SPEG: variants seen among roughly 807,000 people sequenced by gnomAD.
SPEG encodes the protein striated muscle enriched protein kinase.
A neutral mutation model predicts 300.4 loss-of-function variants in SPEG; 114 were observed. The ratio of observed to expected loss-of-function variants is 0.38; its 90% CI spans 0.33 to 0.44. SPEG has a LOEUF of 0.44. Among genes scored for constraint, SPEG ranks in the 20% least tolerant of loss-of-function variants. The pLI, the probability that SPEG is intolerant of heterozygous loss-of-function variation, is 1.00. For missense variants in SPEG, 4,201 were observed against 4,586.2 expected (o/e 0.92, Z 2.43); for synonymous variants, 1,964 against 2,018.9 (o/e 0.97, Z 0.73).
chr2:219,452,324 T>A (rs904535500), intron 6 of SPEG, among the ~76,000 whole-genome samples: 8 of 152,170 alleles, frequency 5.3e-5, no homozygotes, highest in African/African-American at 1.4e-4. Context: ...CAAGAGCACT[T>A]CTTGGGCTGG....
In SPEG at chr2:219,442,875, C is replaced by T. The variant is rs116868068; in HGVS notation, c.389-1778C>T. Among the ~76,000 whole-genome samples the T allele has an allele frequency of 7.0e-4, 106 of 152,278 alleles. No individual in the cohort carries two copies. The East Asian group carries it at 0.019, about 28-fold the overall frequency. On this transcript the variant is annotated intron_variant, in intron 1 of 40. Coordinates refer to ENST00000312358, the MANE Select transcript of SPEG (RefSeq NM_005876.5). Reference sequence around the variant, plus strand: ...GCTTCCACCTGCAGCCTGCAGTTCTCTCCTTCCTCCCCTGCTCCTCCCAAG... The same window carrying T: ...GCTTCCACCTGCAGCCTGCAGTTCTTTCCTTCCTCCCCTGCTCCTCCCAAG...
Position 219,464,953 on chromosome 2 carries a change from A to C in SPEG, c.2881+345A>C. The C allele has an allele frequency of 9.2e-6, 2 of 218,358 alleles. No individual in the cohort carries two copies. Among genetic ancestry groups the C allele is most frequent in the Non-Finnish European group, 9.1e-6 (1 of 110,124 alleles). 13.5% of individuals were successfully genotyped at this position (218,358 alleles called of 1,614,324 possible). ...CCTTTGTCACCCTGCTCTGCCCAGG[A>C]CCCTCCCTCATCCCCCTCCCCCTCT... On this transcript the variant is annotated intron_variant, in intron 9 of 40. Transcript: ENST00000312358. The surrounding 1 kb of genome is among the most constrained non-coding windows in gnomAD (Gnocchi z 4.5).
chr2:219,477,218 C>CTGGTACAGCGGCTCT lies in SPEG; in HGVS notation c.4561-56_4561-55insTACAGCGGCTCTTGG. ...GCTGCCCAGAGTAGGAGATGAGGCC[C>CTGGTACAGCGGCTCT]TGGCCCCAAGGTAGAGATGAGGCCA... is the stretch of plus-strand genomic sequence containing the variant. On this transcript the variant is annotated intron_variant, in intron 19 of 40. Coordinates refer to ENST00000312358, the MANE Select transcript of SPEG (RefSeq NM_005876.5). The surrounding 1 kb of genome is among the most constrained non-coding windows in gnomAD (Gnocchi z 6.4). 4.5e-5 allele frequency: 21 copies of CTGGTACAGCGGCTCT among 461,766 alleles called. 1 individual carries two copies. Among genetic ancestry groups the CTGGTACAGCGGCTCT allele is most frequent in the South Asian group, 2.9e-4 (10 of 34,322 alleles). The allele number at this position is 461,766 out of a possible 1,614,324, so 28.6% of individuals were successfully genotyped here. A position where few individuals can be genotyped will look rare whatever the true frequency, so the allele number is the denominator to read the frequency against.
At position 219,448,088 on chromosome 2, in the gene SPEG, C is replaced by T. The variant is rs780692493; in HGVS notation, c.930C>T (p.Pro310=). The T allele has an allele frequency of 5.0e-6, 8 of 1,606,318 alleles. No individual in the cohort carries two copies. The highest frequency in any genetic ancestry group is 6.8e-6 in the Non-Finnish European group (8 of 1,176,924). The change falls in exon 4 of 41, where the codon CCC becomes CCT. Residue 310 remains proline (P), a synonymous_variant. Coordinates refer to ENST00000312358, the MANE Select transcript of SPEG (RefSeq NM_005876.5). ...QPPPSKSALL[P]PPSPRVGKRS... ...CTCCTTCCAAATCCGCGCTGCTCCC[C>T]CCACCGTCCCCTCGGGTCGGGAAGC...
chr2:219,475,485 A>G (rs1186571932), intron 18 of SPEG, among the ~76,000 whole-genome samples: 1 of 152,144 alleles, frequency 6.6e-6, no homozygotes, highest in Non-Finnish European at 1.5e-5. Flanking sequence ...ATAAGTGGCA[A>G]TAGGGTGTGT....
chr2:219,471,525 G>A, intron 13 of SPEG: 1 of 325,684 alleles, frequency 3.1e-6, no homozygotes. Flanking sequence ...TGACCATGCA[G>A]AGGTGGGAAG....
Position 219,444,949 on chromosome 2 carries a change from T to G in SPEG, c.603T>G (p.Ser201Arg), listed in dbSNP as rs1296125200. The G allele has an allele frequency of 6.3e-7, 1 of 1,594,728 alleles. No homozygotes were observed. The highest frequency in any genetic ancestry group is 1.3e-5 in the African/African-American group (1 of 74,366). The change falls in exon 3 of 41, where the codon AGT becomes AGG. Residue 201 changes from serine to arginine, a missense_variant. Physicochemically the swap from Ser to Arg is moderately radical, Grantham distance 110 (BLOSUM62 -1). Around this residue, in one of 4 missense-constraint regions of SPEG, gnomAD observed 1,258 missense variants for 1,293.9 expected, o/e 0.97. Transcript: ENST00000312358. This position sits in a 1 kb window ranked among gnomAD's most constrained non-coding sequence, Gnocchi z 7.8. ...GQTVLEQEAGSGGGTRRLPGS... is the reference protein window; with the variant it reads ...GQTVLEQEAGRGGGTRRLPGS... ...CGGTCCTGGAGCAGGAAGCGGGCAG[T>G]GGGGGTGGCACCCGCCGCCTCCCGG...
At position 219,473,016 on chromosome 2, in the gene SPEG, T is replaced by A; in HGVS notation, c.4067T>A (p.Ile1356Asn). The A allele has an allele frequency of 6.2e-7, 1 of 1,613,928 alleles. No individual in the cohort carries two copies. The highest frequency in any genetic ancestry group is 8.5e-7 in the Non-Finnish European group (1 of 1,180,002). ...GGGCTGCGTAAGGGGGTCCAGCACATCTTCCGGGTCCTCAGCACCACTGTC... is the reference window on the plus strand; with the variant it reads ...GGGCTGCGTAAGGGGGTCCAGCACAACTTCCGGGTCCTCAGCACCACTGTC... ...ATGLRKGVQH[I>N]FRVLSTTVKS... Residue 1356 changes from isoleucine (I) to asparagine (N), a missense_variant, in exon 16 of 41, where the codon ATC becomes AAC. Physicochemically the swap from Ile to Asn is moderately radical, Grantham distance 149 (BLOSUM62 -3). Coordinates refer to ENST00000312358, the MANE Select transcript of SPEG (RefSeq NM_005876.5). The surrounding 1 kb of genome is among the most constrained non-coding windows in gnomAD (Gnocchi z 4.6).
At chr2:219,446,087 A>G (rs376349939) in intron 3 of SPEG, among the ~76,000 whole-genome samples, 5 of 149,808 alleles carry the variant, frequency 3.3e-5, no homozygotes, top group African/African-American at 1.2e-4. Flanking sequence ...TGCAGGAGAA[A>G]GAAGGGGCCT....
At position 219,468,748 on chromosome 2, in the gene SPEG, G is replaced by A. The variant is rs1247057566; in HGVS notation, c.3301+12G>A. 4 of 1,613,406 alleles carry A rather than the reference G, an allele frequency of 2.5e-6. No individual in the cohort carries two copies. The highest frequency in any genetic ancestry group is 3.4e-6 in the Non-Finnish European group (4 of 1,179,484). ...CTGGACTCATTTTGGTACGGCCCCTGTGCTGCAGGTGTTGAGGGCCCCCCC... is the reference window on the plus strand; with the variant it reads ...CTGGACTCATTTTGGTACGGCCCCTATGCTGCAGGTGTTGAGGGCCCCCCC... On this transcript the variant is annotated intron_variant, in intron 11 of 40. Transcript: ENST00000312358.
At position 219,471,856 on chromosome 2, in the gene SPEG, C is replaced by G. The variant is rs752113494; in HGVS notation, c.3716-12C>G. On this transcript the variant is annotated splice_polypyrimidine_tract_variant and intron_variant, in intron 13 of 40. Coordinates refer to ENST00000312358, the MANE Select transcript of SPEG (RefSeq NM_005876.5). The stretch of plus-strand genomic sequence containing the variant: ...GGGCTCAGGCCCAGTGTCACTGTCC[C>G]TCCCCTCCCAGACAGGGATGTCCAT... The G allele has an allele frequency of 6.2e-7, 1 of 1,613,896 alleles. No individual in the cohort carries two copies. The highest frequency in any genetic ancestry group is 1.1e-5 in the South Asian group (1 of 91,074).
rs1159494412 is a variant in SPEG, at chr2:219,458,770, T to C, written c.2441-3112T>C. Among the ~76,000 whole-genome samples the C allele has an allele frequency of 1.3e-5, 2 of 152,208 alleles. No individual in the cohort carries two copies. The highest frequency in any genetic ancestry group is 2.9e-5 in the Non-Finnish European group (2 of 68,036). On this transcript the variant is annotated intron_variant, in intron 6 of 40. Transcript: ENST00000312358. The surrounding 1 kb of genome is among the most constrained non-coding windows in gnomAD (Gnocchi z 4.2). ...TAAGCTTTCATGTGCCTAAGAGTCA[T>C]CTGGGGTGCTTTTTAAAATGCAGTT...
In SPEG at chr2:219,479,809, A is replaced by C. The variant is rs374527862; in HGVS notation, c.5112A>C (p.Leu1704=). Residue 1704 remains leucine (L), a synonymous_variant, in exon 24 of 41, where the codon CTA becomes CTC. Transcript: ENST00000312358. The surrounding 1 kb of genome is among the most constrained non-coding windows in gnomAD (Gnocchi z 5.5). ...TCCGGGCCTATATGCGGCAGGTGCT[A>C]GAGGGAATACACTACCTGCACCAGA... The part of the protein sequence containing the change: ...SEIRAYMRQV[L]EGIHYLHQSH... The C allele has an allele frequency of 5.6e-6, 9 of 1,613,880 alleles. No individual in the cohort carries two copies. In the African/African-American group the frequency reaches 1.2e-4, roughly 22 times the overall value.
Position 219,451,325 on chromosome 2 carries a change from G to T in SPEG, c.2257+46G>T, listed in dbSNP as rs751269670. On this transcript the variant is annotated intron_variant, in intron 5 of 40. Coordinates refer to ENST00000312358, the MANE Select transcript of SPEG (RefSeq NM_005876.5). This position sits in a 1 kb window ranked among gnomAD's most constrained non-coding sequence, Gnocchi z 6.4. ...AAGGTGCGGTCGAGGTTGGGAGGGG[G>T]TGTGTGAGAAGGGAAGGGGAGGTTC... is the stretch of plus-strand genomic sequence containing the variant. The T allele has an allele frequency of 6.4e-7, 1 of 1,559,764 alleles. No homozygotes were observed.
rs1327283199 is a variant in SPEG at position 219,483,171 on chromosome 2, G to A, written c.5708G>A (p.Arg1903Gln). 5 of 1,609,580 alleles carry A rather than the reference G, an allele frequency of 3.1e-6. No homozygotes were observed. Among genetic ancestry groups the A allele is most frequent in the East Asian group, 2.2e-5 (1 of 44,736 alleles). Residue 1903 changes from arginine (R) to glutamine (Q), a missense_variant, in exon 30 of 41, where the codon CGG becomes CAG. Physicochemically the swap from Arg to Gln is conservative, Grantham distance 43. Coordinates refer to ENST00000312358, the MANE Select transcript of SPEG (RefSeq NM_005876.5). ...GAGCTGCTGCGGGCCCCCCCAGAGC[G>A]GGTGTGGGTGACCATGCCCAGAAGG... ...IPELLRAPPE[R>Q]VWVTMPRRPP... is the part of the protein sequence containing the mutation.
rs760680333 is a variant in SPEG, at chr2:219,477,376, G to A, written c.4660G>A (p.Val1554Ile). The change falls in exon 20 of 41, where the codon GTC (valine) becomes ATC (isoleucine). Residue 1554 changes from valine (V) to isoleucine (I), a missense_variant. This residue lies in a region of SPEG where 1,047 missense variants were observed against 1,356.8 expected (regional missense o/e 0.77). Coordinates refer to ENST00000312358, the MANE Select transcript of SPEG (RefSeq NM_005876.5). The surrounding 1 kb of genome is among the most constrained non-coding windows in gnomAD (Gnocchi z 6.4). ...CAGCACGGGGGCCCAGGATGGAGGC[G>A]TCTACACCTGCACCGCCCAGAACCT... ...VLSTGAQDGG[V>I]YTCTAQNLAG... is the part of the protein sequence containing the mutation. The A allele has an allele frequency of 2.5e-6, 4 of 1,611,538 alleles. No homozygotes were observed. Among genetic ancestry groups the A allele is most frequent in the African/African-American group, 1.3e-5 (1 of 74,868 alleles).
At position 219,444,925 on chromosome 2, in the gene SPEG, G is replaced by A. The variant is rs773940182; in HGVS notation, c.579G>A (p.Thr193=). ...TGAGCTGGTGGGGCAGCGGGCAGACGGTCCTGGAGCAGGAAGCGGGCAGTG... is the reference window on the plus strand; with the variant it reads ...TGAGCTGGTGGGGCAGCGGGCAGACAGTCCTGGAGCAGGAAGCGGGCAGTG... The part of the protein sequence containing the change: ...EQVSWWGSGQ[T]VLEQEAGSGG... The change falls in exon 3 of 41, where the codon ACG becomes ACA. Residue 193 remains threonine, a synonymous_variant. Transcript: ENST00000312358. This position sits in a 1 kb window ranked among gnomAD's most constrained non-coding sequence, Gnocchi z 7.8. 27 of 1,580,048 alleles carry A rather than the reference G, an allele frequency of 1.7e-5. No individual in the cohort carries two copies. In the East Asian group the frequency reaches 2.9e-4, roughly 17 times the overall value.
intron 6 of SPEG, among the ~76,000 whole-genome samples, chr2:219,453,989 G>A (rs1689971899): frequency 6.6e-6 from 1 of 152,206 alleles, no homozygotes; most frequent in African/African-American, 2.4e-5. Context: ...TGGGGAGCAG[G>A]TAGAGGGAGG....
chr2:219,437,540 T>C (rs62191875), intron 1 of SPEG, among the ~76,000 whole-genome samples: 75,901 of 151,994 alleles, frequency 0.5, 19,888 homozygotes, highest in East Asian at 0.7. Context: ...CAGGGGCCCT[T>C]TGACATTCAT....
Sources: allele counts gnomAD v4.1 joint callset (sites outside exome capture counted in the v4.1 genomes callset), GRCh38; gene constraint gnomAD v4.1.1; regional missense constraint gnomAD v4.1.1; non-coding constraint Gnocchi (gnomAD v3.1); transcripts MANE v1.5; gene names NCBI Gene and HGNC (gene_info 2026-07-23, HGNC 2026-07-21).